Variants in FANCI observed in about 807,000 individuals in gnomAD.
FANCI encodes Fanconi anemia group I protein.
FANCI carries 156 observed loss-of-function variants against 176.1 expected under a neutral mutation model. The observed-to-expected ratio is 0.89, with a 90% confidence interval of 0.78 to 1.01. The LOEUF (loss-of-function observed/expected upper bound fraction) is 1.01. Ranked by LOEUF, FANCI falls within the 50% of genes least tolerant of loss-of-function variation. The probability of loss-of-function intolerance (pLI) is 0.00; values close to 1 mark genes in which losing one functional copy is unlikely to be tolerated. For missense variants in FANCI, 1,678 were observed against 1,534.1 expected, an observed-to-expected ratio of 1.09 and a Z score of -1.57; for synonymous variants, 613 against 541.7, an observed-to-expected ratio of 1.13 and a Z score of -1.83.
At chr15:89,274,472 A>G (rs891154158) in intron 12 of FANCI, among the ~76,000 whole-genome samples, 168 bp downstream of exon 12, 1 of 152,118 alleles carries the variant, frequency 6.6e-6, no homozygotes, top group African/African-American at 2.4e-5. Flanking sequence ...CTTTTTCCCT[A>G]TGGAAATATC....
chr15:89,252,482 G>A (rs1418900144), intron 2 of FANCI, among the ~76,000 whole-genome samples: 3 of 151,638 alleles, frequency 2.0e-5, no homozygotes, highest in Non-Finnish European at 4.4e-5. Flanking sequence ...GCTCACGCCT[G>A]TAATCCCAGC....
At chr15:89,287,463 C>A (rs1222925589) in intron 18 of FANCI, among the ~76,000 whole-genome samples, 1 of 151,676 alleles carries the variant, frequency 6.6e-6, no homozygotes, top group Non-Finnish European at 1.5e-5. Context: ...TTTACCAGAC[C>A]ACTAAAACTT....
At position 89,316,876 on chromosome 15, in the gene FANCI, TGA is replaced by T. The variant is rs2152052818; in HGVS notation, c.*421_*422del. The T allele has an allele frequency of 5.1e-6, 7 of 1,359,960 alleles. No homozygotes were observed. The East Asian group carries it at 1.6e-4, about 31-fold the overall frequency. The allele number at this position is 1,359,960 out of a possible 1,614,324, so 84.2% of individuals were successfully genotyped here. On this transcript the variant is annotated 3_prime_UTR_variant, in exon 38 of 38. Coordinates refer to ENST00000310775, the MANE Select transcript of FANCI (RefSeq NM_001113378.2). ...AGGATGCCACCTCAAGAACTGTAAC[TGA>T]GAGCTCAGAAGTGAGCAAAGGAGCT...
At chr15:89,264,447 T>C in intron 8 of FANCI, 75 bp from the exon 9 acceptor site, 4 of 1,248,204 alleles carry the variant, frequency 3.2e-6, no homozygotes, top group African/African-American at 3.0e-5. Context: ...TTCTTTAAGC[T>C]GAAAACTACT....
intron 28 of FANCI, among the ~76,000 whole-genome samples, chr15:89,304,466 A>T (rs2054637372): frequency 1.3e-5 from 2 of 152,260 alleles, no homozygotes; most frequent in African/African-American, 4.8e-5. Flanking sequence ...GACAAAATTT[A>T]TCTGTGATGT....
intron 2 of FANCI, among the ~76,000 whole-genome samples, chr15:89,258,316 C>G (rs1039014008): frequency 6.6e-6 from 1 of 152,102 alleles, no homozygotes; most frequent in Non-Finnish European, 1.5e-5. Flanking sequence ...TTATTTGGTT[C>G]TTTTACAATT....
chr15:89,290,176 G>T (rs1388521548), intron 18 of FANCI, 37 bp from the exon 19 acceptor site: 1 of 1,513,240 alleles, frequency 6.6e-7, no homozygotes, highest in East Asian at 2.3e-5. Flanking sequence ...TAGTATCTCT[G>T]TTAAAGTGCT....
At position 89,305,182 on chromosome 15, in the gene FANCI, T is replaced by C; in HGVS notation, c.3126T>C (p.Pro1042=). ...GCCTGCATGTTTCGTATAAGAGTCC[T>C]GTCATTCTGCTGCGTGACTTGTCCC... ...LFSLHVSYKS[P]VILLRDLSQD... Residue 1042 remains proline, a synonymous_variant, in exon 29 of 38, where the codon CCT becomes CCC. Transcript: ENST00000310775. 6.2e-7 allele frequency: 1 copy of C among 1,614,248 alleles called. No homozygotes were observed. The highest frequency in any genetic ancestry group is 8.5e-7 in the Non-Finnish European group (1 of 1,180,036).
chr15:89,303,653 A>G (rs1467180412), intron 27 of FANCI, among the ~76,000 whole-genome samples: 1 of 152,226 alleles, frequency 6.6e-6, no homozygotes, highest in Non-Finnish European at 1.5e-5. Context: ...GGACATAGAC[A>G]TTGAGAATTA....
At chr15:89,249,741 T>G (rs1209130506) in intron 2 of FANCI, among the ~76,000 whole-genome samples, 1 of 152,112 alleles carries the variant, frequency 6.6e-6, no homozygotes, top group Non-Finnish European at 1.5e-5. Context: ...CTTCTTGAAA[T>G]GAAAACCTCA....
Position 89,295,100 on chromosome 15 carries a change from C to G in FANCI, c.2636+6C>G. On this transcript the variant is annotated splice_donor_region_variant and intron_variant, in intron 24 of 37. Coordinates refer to ENST00000310775, the MANE Select transcript of FANCI (RefSeq NM_001113378.2). The stretch of plus-strand genomic sequence containing the variant: ...AACCTCTGTGACATAACTCGGTAAG[C>G]CACTCCCACCCCTTAGAAACTTATT... The G allele has an allele frequency of 6.5e-7, 1 of 1,550,264 alleles. No individual in the cohort carries two copies. The highest frequency in any genetic ancestry group is 8.7e-7 in the Non-Finnish European group (1 of 1,146,650).
chr15:89,305,356 A>T lies in FANCI; in HGVS notation c.3202A>T (p.Lys1068Ter). ...GDIDQDVEVE[K>*]TNHFAIVNLR... The stretch of plus-strand genomic sequence containing the variant: ...TTTTCCCCAGGATGTAGAGGTGGAG[A>T]AAACAAACCACTTTGCAATAGTGAA... The change falls in exon 30 of 38, where the codon AAA becomes TAA. Residue 1068 changes from lysine to a stop codon, truncating the protein, a stop_gained. Transcript: ENST00000310775. LOFTEE classifies it high-confidence loss of function. 6.2e-7 allele frequency: 1 copy of T among 1,614,178 alleles called. No individual in the cohort carries two copies. Among genetic ancestry groups the T allele is most frequent in the Non-Finnish European group, 8.5e-7 (1 of 1,180,038 alleles).
intron 2 of FANCI, among the ~76,000 whole-genome samples, chr15:89,257,153 A>G (rs1482314373): frequency 6.6e-6 from 1 of 151,998 alleles, no homozygotes; most frequent in African/African-American, 2.4e-5. Flanking sequence ...TGATCTGCCC[A>G]CCTCGGCCTC....
chr15:89,245,096 A>G (rs1281140148), intron 1 of FANCI: 4 of 152,174 alleles, frequency 2.6e-5, no homozygotes, highest in African/African-American at 7.2e-5. Context: ...ACAGTATGTA[A>G]GAGAGTTTAC....
chr15:89,289,612 T>C (rs895970299), intron 18 of FANCI, among the ~76,000 whole-genome samples: 2 of 152,132 alleles, frequency 1.3e-5, no homozygotes, highest in Non-Finnish European at 2.9e-5. Flanking sequence ...GGCCTGTTTC[T>C]TTTCTTTAAA....
At chr15:89,278,935 G>A (rs2053506544) in intron 14 of FANCI, among the ~76,000 whole-genome samples, 161 bp downstream of exon 14, 1 of 152,196 alleles carries the variant, frequency 6.6e-6, no homozygotes, top group Non-Finnish European at 1.5e-5. Flanking sequence ...GGGATTGTCA[G>A]TTGTCAAAAA....
At chr15:89,289,607 GT>G (rs1343785278) in intron 18 of FANCI, among the ~76,000 whole-genome samples, 2 of 151,642 alleles carry the variant, frequency 1.3e-5, no homozygotes, top group Non-Finnish European at 2.9e-5. Flanking sequence ...TGTCTGGCCT[GT>G]TTCTTTTCTT....
intron 2 of FANCI, among the ~76,000 whole-genome samples, chr15:89,248,355 G>A (rs1470931985): frequency 6.6e-6 from 1 of 152,148 alleles, no homozygotes; most frequent in Non-Finnish European, 1.5e-5. Context: ...GTACAAACAA[G>A]TAAAGACATT....
In FANCI at chr15:89,305,350, G is replaced by A. The variant is rs762852848; in HGVS notation, c.3196G>A (p.Val1066Met). The A allele has an allele frequency of 1.2e-6, 2 of 1,614,186 alleles. No individual in the cohort carries two copies. The highest frequency in any genetic ancestry group is 2.2e-5 in the South Asian group (2 of 91,088). Residue 1066 changes from valine to methionine, a missense_variant, in exon 30 of 38, where the codon GTG becomes ATG. Val to Met is a conservative substitution (Grantham distance 21). Around this residue, in one of 3 missense-constraint regions of FANCI, gnomAD observed 1,204 missense variants for 1,077.4 expected, o/e 1.12. Coordinates refer to ENST00000310775, the MANE Select transcript of FANCI (RefSeq NM_001113378.2). ...HLGDIDQDVE[V>M]EKTNHFAIVN... The stretch of plus-strand genomic sequence containing the variant: ...CTCTTCTTTTCCCCAGGATGTAGAG[G>A]TGGAGAAAACAAACCACTTTGCAAT...
Sources: gnomAD v4.1 joint callset for allele counts (sites outside exome capture counted in the v4.1 genomes callset) on GRCh38, gnomAD v4.1.1 for gene constraint, gnomAD v4.1.1 regional missense constraint, MANE v1.5 for transcripts, NCBI Gene and HGNC (gene_info 2026-07-23, HGNC 2026-07-21) for gene names.